Variants in ARHGAP17 observed in about 807,000 individuals in gnomAD.
ARHGAP17 encodes rho GTPase-activating protein 17.
Under a neutral mutation model 99.5 loss-of-function variants are expected in ARHGAP17, and 57 were observed. The observed-to-expected ratio is 0.57, with a 90% CI of 0.46 to 0.71. The LOEUF (loss-of-function observed/expected upper bound fraction) is 0.71, where lower values mean the gene tolerates loss of function less well. Among genes scored for constraint, ARHGAP17 ranks in the 30% least tolerant of loss-of-function variants. ARHGAP17 has a pLI of 0.00. For synonymous variants in ARHGAP17, 417 were observed against 429.6 expected (o/e 0.97, Z 0.36); for missense variants, 1,000 against 1,122.4 (o/e 0.89, Z 1.56).
chr16:24,961,444 T>C (rs2051995151), intron 7 of ARHGAP17, among the ~76,000 whole-genome samples: 1 of 149,870 alleles, frequency 6.7e-6, no homozygotes, highest in African/African-American at 2.4e-5. Context: ...GTGGGAGGAT[T>C]GCTTGGAGCC....
intron 17 of ARHGAP17, 46 bp downstream of exon 17, chr16:24,939,318 G>A (rs867238495): frequency 4.0e-6 from 6 of 1,517,834 alleles, no homozygotes; most frequent in Non-Finnish European, 5.3e-6. Flanking sequence ...CTGCAAGAAG[G>A]CTGGGGCGTC....
Position 24,943,847 on chromosome 16 carries a change from C to T in ARHGAP17, c.1257G>A (p.Met419Ile). ...WARNEGTLAE[M>I]AAATSVHVVA... The stretch of plus-strand genomic sequence containing the variant: ...CCACATGGACGGATGTGGCTGCTGC[C>T]ATTTCAGCAAGTGTTCTGCAAAGCA... The change falls in exon 15 of 20, where the codon ATG (methionine) becomes ATA (isoleucine). Residue 419 changes from methionine to isoleucine, a missense_variant. Physicochemically the swap from Met to Ile is conservative, Grantham distance 10. Around this residue, in one of 2 missense-constraint regions of ARHGAP17, gnomAD observed 472 missense variants for 611.1 expected, o/e 0.77. Transcript: ENST00000289968. 1 of 1,614,142 alleles carries T rather than the reference C, an allele frequency of 6.2e-7. No individual in the cohort carries two copies. Among genetic ancestry groups the T allele is most frequent in the Non-Finnish European group, 8.5e-7 (1 of 1,180,014 alleles).
chr16:24,952,460 A>G (rs1203528328), intron 11 of ARHGAP17, 90 bp from the exon 12 acceptor site: 3 of 967,056 alleles, frequency 3.1e-6, no homozygotes, highest in East Asian at 2.5e-5. Context: ...AATGATCTCA[A>G]TAACGATCTT....
At chr16:25,004,362 C>T (rs969183970) in intron 1 of ARHGAP17, among the ~76,000 whole-genome samples, 1 of 152,194 alleles carries the variant, frequency 6.6e-6, no homozygotes, top group Non-Finnish European at 1.5e-5. Flanking sequence ...TGTGCCTGTG[C>T]CCACACTCCC....
At chr16:24,994,484 G>A (rs1207696888) in intron 1 of ARHGAP17, among the ~76,000 whole-genome samples, 2 of 152,156 alleles carry the variant, frequency 1.3e-5, no homozygotes, top group Non-Finnish European at 2.9e-5. Flanking sequence ...TAGGGCCCCT[G>A]CTCTGCCAGA....
chr16:25,009,903 CAGA>C (rs2141536073), intron 1 of ARHGAP17, among the ~76,000 whole-genome samples: 1 of 151,960 alleles, frequency 6.6e-6, no homozygotes, highest in South Asian at 2.1e-4. Context: ...TTCATAAGCA[CAGA>C]AGATGTTTAA....
chr16:24,946,863 A>T (rs1214748209), intron 14 of ARHGAP17, among the ~76,000 whole-genome samples: 7 of 152,212 alleles, frequency 4.6e-5, no homozygotes. Context: ...TTCATATATA[A>T]GCATTCAGTT....
chr16:24,954,042 G>GAA (rs113235964), intron 10 of ARHGAP17, among the ~76,000 whole-genome samples: 6 of 143,222 alleles, frequency 4.2e-5, no homozygotes, highest in African/African-American at 1.5e-4. Flanking sequence ...CTTTAAAAAG[G>GAA]AAAAAAAAAA....
chr16:24,968,304 G>T lies in ARHGAP17; in HGVS notation c.461+47C>A, dbSNP rs778002400. ...TCCACTGTCAGTGGTCTTCTCCCCC[G>T]TGGTGGGAATGGGACACAATGCTGC... On this transcript the variant is annotated intron_variant, in intron 6 of 19. Transcript: ENST00000289968. The T allele has an allele frequency of 2.3e-5, 36 of 1,592,218 alleles. 1 individual carries two copies. The South Asian group carries it at 3.5e-4, about 16-fold the overall frequency.
rs182875900 is a variant in ARHGAP17 at position 24,968,485 on chromosome 16, T to G, written c.385-58A>C. ...TTCAGGGCTTTTAGGTTAACCATTT[T>G]AAAGTATTTACAAACGTTTTTTCTC... On this transcript the variant is annotated intron_variant, in intron 5 of 19. Coordinates refer to ENST00000289968, the MANE Select transcript of ARHGAP17 (RefSeq NM_001006634.3). The G allele has an allele frequency of 5.0e-6, 8 of 1,597,342 alleles. No individual in the cohort carries two copies. The East Asian group carries it at 1.8e-4, about 36-fold the overall frequency.
At chr16:24,992,414 C>T (rs553689873) in intron 1 of ARHGAP17, among the ~76,000 whole-genome samples, 7 of 152,284 alleles carry the variant, frequency 4.6e-5, no homozygotes, top group African/African-American at 1.7e-4. Flanking sequence ...TGACTCACTG[C>T]AACCTCCACC....
At chr16:24,985,208 T>A (rs1188187938) in intron 1 of ARHGAP17, among the ~76,000 whole-genome samples, 1 of 151,452 alleles carries the variant, frequency 6.6e-6, no homozygotes, top group Admixed American at 6.6e-5. Flanking sequence ...ACACACACAC[T>A]AAATAATATA....
At chr16:24,923,476 C>T (rs1281142259) in intron 19 of ARHGAP17, among the ~76,000 whole-genome samples, 1 of 152,002 alleles carries the variant, frequency 6.6e-6, no homozygotes, top group Non-Finnish European at 1.5e-5. Context: ...TTTAAAAAAA[C>T]AAAATAGGCT....
chr16:24,955,514 T>C lies in ARHGAP17; in HGVS notation c.725-784A>G, dbSNP rs546997176. ...ATGAATTAGAATAAGAAGTATCTGG[T>C]TGAATTTGGCCTGCCTGTGCAAGCT... On this transcript the variant is annotated intron_variant, in intron 9 of 19. Transcript: ENST00000289968. The surrounding 1 kb of genome is among the most constrained non-coding windows in gnomAD (Gnocchi z 4.0). 3.9e-5 allele frequency: 6 copies of C among 152,346 alleles called. No individual in the cohort carries two copies. In the East Asian group the frequency reaches 1.2e-3, roughly 29 times the overall value. 9.4% of individuals were successfully genotyped at this position (152,346 alleles called of 1,614,324 possible). A position where few individuals can be genotyped will look rare whatever the true frequency, so the allele number is the denominator to read the frequency against.
At chr16:24,998,177 G>A (rs1025332254) in intron 1 of ARHGAP17, among the ~76,000 whole-genome samples, 1 of 152,084 alleles carries the variant, frequency 6.6e-6, no homozygotes, top group African/African-American at 2.4e-5. Flanking sequence ...AGGGACGTCA[G>A]GGACAGGAAA....
chr16:24,930,620 T>C, intron 19 of ARHGAP17, 164 bp downstream of exon 19: 1 of 1,177,194 alleles, frequency 8.5e-7, no homozygotes. Context: ...GTAGCTGTGT[T>C]CCAATAAAAC....
At chr16:24,995,052 G>A (rs1000929244) in intron 1 of ARHGAP17, among the ~76,000 whole-genome samples, 7 of 152,146 alleles carry the variant, frequency 4.6e-5, no homozygotes, top group African/African-American at 9.7e-5. Context: ...GAGAAATGCC[G>A]AGCAAAAGGG....
intron 1 of ARHGAP17, among the ~76,000 whole-genome samples, chr16:24,979,293 G>A (rs1283380953): frequency 6.6e-6 from 1 of 152,180 alleles, no homozygotes; most frequent in Non-Finnish European, 1.5e-5. Context: ...GGCAGCAGGT[G>A]CTGATATAAA....
rs143112959 is a variant in ARHGAP17 at position 24,981,712 on chromosome 16, C to T, written c.54-2707G>A. Among the ~76,000 whole-genome samples the T allele has an allele frequency of 4.4e-3, 675 of 152,254 alleles. 5 individuals are homozygous for T. Among genetic ancestry groups the T allele is most frequent in the African/African-American group, 0.015 (639 of 41,526 alleles). ...TTGACTTTTTAAACTACATGAATCA[C>T]AGTTTTGAGGTTTTTTAAAAATAGC... On this transcript the variant is annotated intron_variant, in intron 1 of 19. Coordinates refer to ENST00000289968, the MANE Select transcript of ARHGAP17 (RefSeq NM_001006634.3).
Sources: gnomAD v4.1 joint callset for allele counts (sites outside exome capture counted in the v4.1 genomes callset) on GRCh38, gnomAD v4.1.1 for gene constraint, gnomAD v4.1.1 regional missense constraint, Gnocchi (gnomAD v3.1) non-coding constraint, MANE v1.5 for transcripts, NCBI Gene and HGNC (gene_info 2026-07-23, HGNC 2026-07-21) for gene names.